The following RPS14 variants were observed in gnomAD, a reference collection of about 807,000 sequenced individuals.
RPS14 encodes small ribosomal subunit protein uS11.
In RPS14, 1 loss-of-function variant was observed where a neutral mutation model predicts 15.4. The observed-to-expected ratio is 0.07, with a 90% CI of 0.02 to 0.31. RPS14 has a LOEUF of 0.31. Ranked by LOEUF, RPS14 falls within the 10% of genes least tolerant of loss-of-function variation. RPS14 has a pLI of 1.00. For missense variants in RPS14, 69 were observed against 205.5 expected, an observed-to-expected ratio of 0.34 and a Z score of 4.06; for synonymous variants, 68 against 74.4, an observed-to-expected ratio of 0.91 and a Z score of 0.44.
rs547413476 is a variant in RPS14 at position 150,444,212 on chromosome 5, A to G, written c.*74T>C. The stretch of plus-strand genomic sequence containing the variant: ...CAAATGCCTGAGTAGCCCCTGATGA[A>G]GGAGAGAAGGCTGGAGTTGAAACAG... On this transcript the variant is annotated 3_prime_UTR_variant, in exon 5 of 5. Coordinates refer to ENST00000407193, the MANE Select transcript of RPS14 (RefSeq NM_005617.4). 7 of 1,535,896 alleles carry G rather than the reference A, an allele frequency of 4.6e-6. No homozygotes were observed. The Admixed American group carries it at 1.3e-4, about 28-fold the overall frequency.
In RPS14 at chr5:150,444,449, C is replaced by A. The variant is rs2070843; in HGVS notation, c.389-96G>T. 26,904 of 952,788 alleles carry A rather than the reference C, an allele frequency of 0.028. 2,735 individuals carry two copies. The East Asian group carries it at 0.3, about 11-fold the overall frequency. 59.0% of individuals were successfully genotyped at this position (952,788 alleles called of 1,614,324 possible). ...ATGGCCTAACCAATCAGCAACAGAT[C>A]CTGCTGCTCCCCAAATGACTCCCCA... is the stretch of plus-strand genomic sequence containing the variant. On this transcript the variant is annotated intron_variant, in intron 4 of 4. Transcript: ENST00000407193.
At position 150,444,629 on chromosome 5, in the gene RPS14, C is replaced by T. The variant is rs1487803395; in HGVS notation, c.389-276G>A. 4.7e-6 allele frequency: 3 copies of T among 634,614 alleles called. No homozygotes were observed. The African/African-American group carries it at 5.4e-5, about 11-fold the overall frequency. The allele number at this position is 634,614 out of a possible 1,614,324, so 39.3% of individuals were successfully genotyped here. A position where few individuals can be genotyped will look rare whatever the true frequency, so the allele number is the denominator to read the frequency against. ...GACAAATCCAGGTTCTGACATCTAG[C>T]CCACCGTCTTCTCTAGAGGAAAAAA... On this transcript the variant is annotated intron_variant, in intron 4 of 4. Transcript: ENST00000407193.
intron 1 of RPS14, 123 bp from the exon 2 acceptor site, chr5:150,447,858 T>A: frequency 9.4e-7 from 1 of 1,066,830 alleles, no homozygotes; most frequent in Non-Finnish European, 1.4e-6. Flanking sequence ...TCCAATACTC[T>A]ACTGTATTCT....
rs1771009750 is a variant in RPS14, at chr5:150,443,806, T to A, written c.*480A>T. ...GGGGTGACAATCTTTATGTACTTTA[T>A]GTACTGATGTGGAACAATCTCCAAG... On this transcript the variant is annotated 3_prime_UTR_variant, in exon 5 of 5. Transcript: ENST00000407193. 1 of 152,364 alleles carries A rather than the reference T, an allele frequency of 6.6e-6. No individual in the cohort carries two copies. The highest frequency in any genetic ancestry group is 2.4e-5 in the African/African-American group (1 of 41,444). The allele number at this position is 152,364 out of a possible 1,614,324, so 9.4% of individuals were successfully genotyped here.
intron 4 of RPS14, chr5:150,444,733 T>C: frequency 6.7e-6 from 3 of 449,852 alleles, no homozygotes; most frequent in East Asian, 1.4e-4. Flanking sequence ...AAAAAATCTT[T>C]TAAGGCTGGG....
intron 4 of RPS14, chr5:150,444,745 G>C: frequency 2.3e-6 from 1 of 441,478 alleles, no homozygotes; most frequent in Non-Finnish European, 4.5e-6. Context: ...AAGGCTGGGC[G>C]CGGTGGCTCA....
At chr5:150,448,918 G>GT (rs1323540750) in intron 1 of RPS14, 23 of 152,358 alleles carry the variant, frequency 1.5e-4, no homozygotes, top group African/African-American at 5.5e-4. Flanking sequence ...GTTAACTATT[G>GT]TAAGGAACGC....
intron 4 of RPS14, chr5:150,444,745 G>A (rs945594450): frequency 1.8e-5 from 8 of 441,478 alleles, no homozygotes; most frequent in South Asian, 6.6e-5. Context: ...AAGGCTGGGC[G>A]CGGTGGCTCA....
intron 4 of RPS14, among the ~76,000 whole-genome samples, chr5:150,444,898 C>G (rs964779791): frequency 1.3e-5 from 2 of 151,706 alleles, no homozygotes; most frequent in Non-Finnish European, 2.9e-5. Flanking sequence ...CACTGTTGTC[C>G]CAGCTACTCA....
At chr5:150,447,477 G>A (rs1771134870) in intron 2 of RPS14, 108 bp downstream of exon 2, 1 of 1,142,890 alleles carries the variant, frequency 8.7e-7, no homozygotes, top group Non-Finnish European at 1.3e-6. Flanking sequence ...TTCTTACCTG[G>A]ACAAAACAGC....
At chr5:150,445,553 T>G in intron 4 of RPS14, 56 bp downstream of exon 4, 1 of 1,536,412 alleles carries the variant, frequency 6.5e-7, no homozygotes, top group Non-Finnish European at 9.0e-7. Context: ...AGCACGTGCT[T>G]TTTGGGGCCA....
Position 150,446,687 on chromosome 5 carries a change from C to T in RPS14, c.311+115G>A. ...GAGCCAATTATTAAGTATGTATATGCCTAAAATATCTTGTTCAAGGTCACA... is the reference window on the plus strand; with the variant it reads ...GAGCCAATTATTAAGTATGTATATGTCTAAAATATCTTGTTCAAGGTCACA... On this transcript the variant is annotated intron_variant, in intron 3 of 4. Transcript: ENST00000407193. This position sits in a 1 kb window ranked among gnomAD's most constrained non-coding sequence, Gnocchi z 4.2. 8.6e-7 allele frequency: 1 copy of T among 1,156,698 alleles called. No individual in the cohort carries two copies. The highest frequency in any genetic ancestry group is 1.2e-6 in the Non-Finnish European group (1 of 800,782). 71.7% of individuals were successfully genotyped at this position (1,156,698 alleles called of 1,614,324 possible).
intron 4 of RPS14, chr5:150,444,628 G>T: frequency 1.6e-6 from 1 of 636,408 alleles, no homozygotes. Context: ...CTGACATCTA[G>T]CCCACCGTCT....
chr5:150,446,399 C>G lies in RPS14; in HGVS notation c.311+403G>C, dbSNP rs1203650581. ...TCCTGTCCTTATTTCACTGGAAGGA[C>G]TCCGGACTTATCATTTAGACCCTAG... On this transcript the variant is annotated intron_variant, in intron 3 of 4. Transcript: ENST00000407193. This position sits in a 1 kb window ranked among gnomAD's most constrained non-coding sequence, Gnocchi z 4.2. Among the ~76,000 whole-genome samples the G allele has an allele frequency of 6.6e-6, 1 of 152,210 alleles. No individual in the cohort carries two copies. The highest frequency in any genetic ancestry group is 1.5e-5 in the Non-Finnish European group (1 of 68,042).
intron 4 of RPS14, chr5:150,444,667 G>A (rs1370698313): frequency 1.8e-6 from 1 of 555,660 alleles, no homozygotes. Context: ...CTTTTAGACA[G>A]GGTAACTGCA....
In RPS14 at chr5:150,447,594, A is replaced by C. The variant is rs150548437; in HGVS notation, c.140T>G (p.Leu47Arg). The C allele has an allele frequency of 6.2e-7, 1 of 1,612,808 alleles. No individual in the cohort carries two copies. The highest frequency in any genetic ancestry group is 8.5e-7 in the Non-Finnish European group (1 of 1,179,856). Residue 47 changes from leucine (L) to arginine (R), a missense_variant, in exon 2 of 5, where the codon CTT (leucine) becomes CGT (arginine). Leu to Arg is a moderately radical substitution (Grantham distance 102). Coordinates refer to ENST00000407193, the MANE Select transcript of RPS14 (RefSeq NM_005617.4). Reference protein sequence around the residue: ...FNDTFVHVTDLSGKETICRVT... With the variant: ...FNDTFVHVTDRSGKETICRVT... ...CCACCCAGGTACTCACTTGCCAGAA[A>C]GATCAGTGACATGGACAAAAGTGTC...
intron 1 of RPS14, chr5:150,448,041 G>A (rs1374355090): frequency 7.1e-6 from 2 of 281,496 alleles, no homozygotes; most frequent in Non-Finnish European, 1.4e-5. Flanking sequence ...CCTGAAGGCT[G>A]CACCCCAAAA....
At chr5:150,449,003 T>C (rs948705097) in intron 1 of RPS14, 6 of 152,250 alleles carry the variant, frequency 3.9e-5, no homozygotes, top group Non-Finnish European at 7.3e-5. Context: ...TACGTAAGCA[T>C]GAGTATGTTT....
At position 150,446,399 on chromosome 5, in the gene RPS14, C is replaced by T. The variant is rs1203650581; in HGVS notation, c.311+403G>A. Among the ~76,000 whole-genome samples, 2 of 152,210 alleles carry T rather than the reference C, an allele frequency of 1.3e-5. No homozygotes were observed. Among genetic ancestry groups the T allele is most frequent in the Admixed American group, 1.3e-4 (2 of 15,274 alleles). On this transcript the variant is annotated intron_variant, in intron 3 of 4. Coordinates refer to ENST00000407193, the MANE Select transcript of RPS14 (RefSeq NM_005617.4). This position sits in a 1 kb window ranked among gnomAD's most constrained non-coding sequence, Gnocchi z 4.2. ...TCCTGTCCTTATTTCACTGGAAGGA[C>T]TCCGGACTTATCATTTAGACCCTAG...
Sources: allele counts gnomAD v4.1 joint callset (sites outside exome capture counted in the v4.1 genomes callset), GRCh38; gene constraint gnomAD v4.1.1; non-coding constraint Gnocchi (gnomAD v3.1); transcripts MANE v1.5; gene names NCBI Gene and HGNC (gene_info 2026-07-23, HGNC 2026-07-21).